SCAPER: variants seen among roughly 807,000 people sequenced by gnomAD.
SCAPER encodes S-phase cyclin A associated protein in the ER, also known as S phase cyclin A-associated protein in the endoplasmic reticulum.
SCAPER carries 98 observed loss-of-function variants against 182.2 expected under a neutral mutation model. The observed-to-expected ratio is 0.54, with a 90% confidence interval of 0.46 to 0.64. The LOEUF is 0.64. SCAPER is among the 30% of genes least tolerant of loss of function. SCAPER has a pLI of 0.00. For missense variants in SCAPER, 1,432 were observed against 1,690.0 expected (o/e 0.85, Z 2.68); for synonymous variants, 605 against 564.6 (o/e 1.07, Z -1.01).
chr15:76,819,996 C>A (rs2067399417), intron 5 of SCAPER, among the ~76,000 whole-genome samples: 2 of 152,220 alleles, frequency 1.3e-5, no homozygotes, highest in East Asian at 1.9e-4. Context: ...AAATGCTCAT[C>A]ATCACTGGAC....
intron 2 of SCAPER, among the ~76,000 whole-genome samples, chr15:76,873,338 GC>G (rs2072903334): frequency 3.2e-5 from 2 of 61,860 alleles, no homozygotes; most frequent in Middle Eastern, 0.01. Flanking sequence ...AGGAAGGCAG[GC>G]AGGCAGGCAG....
In SCAPER at chr15:76,375,093, C is replaced by T. The variant is rs930552553; in HGVS notation, c.3855+1069G>A. ...ATTAGCTGGGTGTGATGGTACCCGC[C>T]GGTAGACCCAACTACTCAGGAGGCT... On this transcript the variant is annotated intron_variant, in intron 29 of 31. Coordinates refer to ENST00000563290, the MANE Select transcript of SCAPER (RefSeq NM_020843.4). Among the ~76,000 whole-genome samples, 11 of 150,878 alleles carry T rather than the reference C, an allele frequency of 7.3e-5. 1 individual carries two copies. Among genetic ancestry groups the T allele is most frequent in the African/African-American group, 2.7e-4 (11 of 40,970 alleles).
At chr15:76,499,217 C>G (rs2040878288) in intron 24 of SCAPER, among the ~76,000 whole-genome samples, 1 of 152,140 alleles carries the variant, frequency 6.6e-6, no homozygotes, top group Non-Finnish European at 1.5e-5. Flanking sequence ...ATCCATCTAA[C>G]AGAGAAGAAT....
intron 3 of SCAPER, among the ~76,000 whole-genome samples, chr15:76,859,284 CACTGTTCCACCAGGGGTAAA>C (rs2071675331): frequency 6.6e-6 from 1 of 152,242 alleles, no homozygotes; most frequent in Non-Finnish European, 1.5e-5. Context: ...GGGACACCCT[CACTGTTCCACCAGGGGTAAA>C]GGGAGAGAAT....
intron 29 of SCAPER, among the ~76,000 whole-genome samples, chr15:76,359,937 C>A (rs1178242623): frequency 6.6e-6 from 1 of 152,202 alleles, no homozygotes. Context: ...AATCATACCA[C>A]ATCTTGTCTC....
chr15:76,488,049 G>T (rs1384086758), intron 24 of SCAPER, among the ~76,000 whole-genome samples: 1 of 152,006 alleles, frequency 6.6e-6, no homozygotes, highest in Non-Finnish European at 1.5e-5. Flanking sequence ...CCACCCCCAA[G>T]ATAAAATACC....
At chr15:76,742,466 TA>T (rs55751202) in intron 15 of SCAPER, among the ~76,000 whole-genome samples, 3,896 of 36,872 alleles carry the variant, frequency 0.11, 147 homozygotes, top group African/African-American at 0.14. Context: ...TGTCTTTTCC[TA>T]AAAAAAAAAA....
chr15:76,372,917 G>A (rs1368442183), intron 29 of SCAPER, among the ~76,000 whole-genome samples: 5 of 152,196 alleles, frequency 3.3e-5, no homozygotes, highest in Non-Finnish European at 7.3e-5. Flanking sequence ...ATAGAAAAGA[G>A]GCTGGAGGGG....
chr15:76,601,302 A>G lies in SCAPER; in HGVS notation c.2711+20462T>C, dbSNP rs2049917337. ...TATTCTCTCCTTTCTTAGCACATCA[A>G]TTACAGTCATATGCTGTATAAGGAT... On this transcript the variant is annotated intron_variant, in intron 22 of 31. Coordinates refer to ENST00000563290, the MANE Select transcript of SCAPER (RefSeq NM_020843.4). 1.6e-5 allele frequency among the ~76,000 whole-genome samples: 2 copies of G among 122,040 alleles called. 1 individual carries two copies. The highest frequency in any genetic ancestry group is 5.0e-5 in the African/African-American group (2 of 39,878). The allele number at this position is 122,040 out of a possible 152,430, so 80.1% of individuals were successfully genotyped here.
chr15:76,611,339 G>T (rs2050968264), intron 22 of SCAPER, among the ~76,000 whole-genome samples: 3 of 151,996 alleles, frequency 2.0e-5, no homozygotes, highest in South Asian at 2.1e-4. Context: ...AAAAGAAATT[G>T]ATAAATTCCT....
chr15:76,521,022 C>T (rs2042795895), intron 23 of SCAPER, among the ~76,000 whole-genome samples: 1 of 152,108 alleles, frequency 6.6e-6, no homozygotes. Flanking sequence ...CTCTATGTTA[C>T]TCCTGAGAGA....
chr15:76,728,249 C>G (rs924067301), intron 17 of SCAPER, among the ~76,000 whole-genome samples: 2 of 151,208 alleles, frequency 1.3e-5, no homozygotes, highest in African/African-American at 4.9e-5. Context: ...ACTGCTGTGA[C>G]TCTTGTGATC....
chr15:76,665,889 C>T, intron 20 of SCAPER, 100 bp from the exon 21 acceptor site: 1 of 1,031,450 alleles, frequency 9.7e-7, no homozygotes, highest in Non-Finnish European at 1.3e-6. Flanking sequence ...TTTGATGAAA[C>T]TAAAAGTAAT....
intron 8 of SCAPER, among the ~76,000 whole-genome samples, chr15:76,791,456 TG>T (rs2065001785): frequency 6.6e-6 from 1 of 151,950 alleles, no homozygotes; most frequent in Non-Finnish European, 1.5e-5. Context: ...CTAAAACACC[TG>T]GAATTTAGGG....
At chr15:76,900,104 G>C (rs1158167686) in intron 1 of SCAPER, among the ~76,000 whole-genome samples, 1 of 152,106 alleles carries the variant, frequency 6.6e-6, no homozygotes, top group African/African-American at 2.4e-5. Flanking sequence ...TAAGGGCGGC[G>C]CAAGATGTGC....
At chr15:76,699,626 T>C (rs1033225284) in intron 20 of SCAPER, among the ~76,000 whole-genome samples, 1 of 152,218 alleles carries the variant, frequency 6.6e-6, no homozygotes, top group African/African-American at 2.4e-5. Flanking sequence ...CTGGACTGCA[T>C]GCCCTGGGGG....
intron 25 of SCAPER, 55 bp from the exon 26 acceptor site, chr15:76,434,365 C>G (rs2047058817): frequency 3.2e-6 from 4 of 1,245,002 alleles, no homozygotes; most frequent in Non-Finnish European, 3.4e-6. Flanking sequence ...CAAAAATGGG[C>G]AGAGACAGTT....
chr15:76,452,354 T>C (rs2048425676), intron 25 of SCAPER, among the ~76,000 whole-genome samples: 1 of 152,352 alleles, frequency 6.6e-6, no homozygotes, highest in South Asian at 2.1e-4. Flanking sequence ...CCTGGGATAC[T>C]ATGGGTTTCC....
chr15:76,526,474 G>A (rs988858134), intron 23 of SCAPER, among the ~76,000 whole-genome samples: 2 of 152,070 alleles, frequency 1.3e-5, no homozygotes, highest in Non-Finnish European at 2.9e-5. Context: ...ATTATCAGGT[G>A]TTTTATGTCA....
Sources: gnomAD v4.1 joint callset for allele counts (sites outside exome capture counted in the v4.1 genomes callset) on GRCh38, gnomAD v4.1.1 for gene constraint, MANE v1.5 for transcripts, NCBI Gene and HGNC (gene_info 2026-07-23, HGNC 2026-07-21) for gene names.